Variants in IQUB observed in about 807,000 individuals in gnomAD.
The protein encoded by IQUB is IQ motif and ubiquitin domain containing.
In IQUB, 86 loss-of-function variants were observed where a neutral mutation model predicts 86.4. That is an observed-to-expected ratio of 1.00 (90% CI 0.84 to 1.19). The LOEUF (loss-of-function observed/expected upper bound fraction) is 1.19, where lower values mean the gene tolerates loss of function less well. IQUB is among the 50% of genes most tolerant of loss of function. The pLI is 0.00. For synonymous variants in IQUB, 289 were observed against 304.5 expected, an observed-to-expected ratio of 0.95 and a Z score of 0.53; for missense variants, 946 against 916.9, an observed-to-expected ratio of 1.03 and a Z score of -0.41.
At chr7:123,529,563 A>T (rs1797420349) in intron 1 of IQUB, among the ~76,000 whole-genome samples, 1 of 151,162 alleles carries the variant, frequency 6.6e-6, no homozygotes, top group Non-Finnish European at 1.5e-5. Flanking sequence ...AAATGCATGC[A>T]ATTATATATA....
intron 3 of IQUB, among the ~76,000 whole-genome samples, chr7:123,504,066 G>T (rs968205522): frequency 2.0e-5 from 3 of 152,056 alleles, no homozygotes; most frequent in African/African-American, 7.2e-5. Context: ...CAAGAGGAAG[G>T]ATAATTATTT....
intron 11 of IQUB, among the ~76,000 whole-genome samples, chr7:123,458,666 T>C (rs927253588): frequency 2.0e-5 from 3 of 152,042 alleles, no homozygotes; most frequent in African/African-American, 7.2e-5. Context: ...CTAATAATTT[T>C]GAAATTGTAT....
chr7:123,492,752 G>T (rs1311363410), intron 7 of IQUB, among the ~76,000 whole-genome samples: 2 of 152,012 alleles, frequency 1.3e-5, no homozygotes, highest in African/African-American at 2.4e-5. Context: ...CACTCTCCAG[G>T]CCTCTCAGAT....
chr7:123,482,169 A>G (rs1795039790), intron 7 of IQUB, among the ~76,000 whole-genome samples: 1 of 152,070 alleles, frequency 6.6e-6, no homozygotes, highest in African/African-American at 2.4e-5. Context: ...GAAATCATAT[A>G]CCATCAAATA....
At chr7:123,477,146 A>C (rs551473259) in intron 8 of IQUB, among the ~76,000 whole-genome samples, 26 of 152,316 alleles carry the variant, frequency 1.7e-4, no homozygotes, top group South Asian at 1.0e-3. Context: ...TCCTAAGCAA[A>C]GAGAACAAAG....
chr7:123,503,990 A>G (rs899695545), intron 3 of IQUB, among the ~76,000 whole-genome samples: 26 of 152,304 alleles, frequency 1.7e-4, no homozygotes, highest in African/African-American at 6.0e-4. Context: ...GCAGAATAAT[A>G]TGCTAAACAT....
At chr7:123,513,158 C>T (rs1271982164) in intron 1 of IQUB, among the ~76,000 whole-genome samples, 2 of 152,156 alleles carry the variant, frequency 1.3e-5, no homozygotes, top group Non-Finnish European at 2.9e-5. Context: ...GGGGCTTCTA[C>T]TTTGAGCACA....
intron 3 of IQUB, among the ~76,000 whole-genome samples, chr7:123,505,070 G>A (rs1796117265): frequency 6.6e-6 from 1 of 152,182 alleles, no homozygotes; most frequent in African/African-American, 2.4e-5. Flanking sequence ...TCAAAACCCA[G>A]CAGGGCAGTT....
intron 1 of IQUB, among the ~76,000 whole-genome samples, chr7:123,522,169 A>C (rs1221021110): frequency 6.6e-6 from 1 of 151,894 alleles, no homozygotes; most frequent in Non-Finnish European, 1.5e-5. Context: ...TCTTTCCCCA[A>C]AACAAAGAGC....
chr7:123,532,393 T>C (rs565390957), intron 1 of IQUB: 68 of 152,226 alleles, frequency 4.5e-4, no homozygotes, highest in Admixed American at 1.8e-3. Flanking sequence ...CCCATAAATT[T>C]TGCAATCCAG....
At chr7:123,472,683 A>T (rs538180978) in intron 8 of IQUB, among the ~76,000 whole-genome samples, 21 of 152,352 alleles carry the variant, frequency 1.4e-4, no homozygotes, top group East Asian at 5.8e-4. Context: ...AAAAGATATT[A>T]AAAAATCTGT....
rs755862929 is a variant in IQUB at position 123,512,329 on chromosome 7, T to C, written c.12A>G (p.Gln4=). The C allele has an allele frequency of 6.4e-7, 1 of 1,558,186 alleles. No individual in the cohort carries two copies. The highest frequency in any genetic ancestry group is 1.2e-5 in the South Asian group (1 of 83,768). MSN[Q]QEKYEAQNIV... is the part of the protein sequence containing the mutation. ...TATTCTGAGCTTCATACTTCTCCTG[T>C]TGATTAGACATTTTCCTGAATTAAG... Residue 4 remains glutamine, a synonymous_variant, in exon 2 of 13, where the codon CAA becomes CAG. Coordinates refer to ENST00000324698, the MANE Select transcript of IQUB (RefSeq NM_178827.5).
chr7:123,527,371 T>A (rs978908659), intron 1 of IQUB, among the ~76,000 whole-genome samples: 1 of 152,260 alleles, frequency 6.6e-6, no homozygotes. Context: ...ACTGCGTTCC[T>A]CTGGAGGAGG....
At chr7:123,494,702 C>T (rs534315196) in intron 7 of IQUB, among the ~76,000 whole-genome samples, 3 of 152,074 alleles carry the variant, frequency 2.0e-5, no homozygotes, top group African/African-American at 7.2e-5. Flanking sequence ...ATGTATAGGT[C>T]CTTGTACTTT....
At chr7:123,453,902 T>G (rs565972725) in intron 12 of IQUB, among the ~76,000 whole-genome samples, 5 of 152,260 alleles carry the variant, frequency 3.3e-5, no homozygotes, top group African/African-American at 1.2e-4. Flanking sequence ...TTAATAAATA[T>G]AATCTATTAC....
intron 12 of IQUB, among the ~76,000 whole-genome samples, chr7:123,454,071 G>C (rs1298479816): frequency 6.6e-6 from 1 of 152,036 alleles, no homozygotes; most frequent in Non-Finnish European, 1.5e-5. Context: ...AGGACCAAAA[G>C]AGCAGAAAAC....
chr7:123,485,366 C>T (rs765405959), intron 7 of IQUB, among the ~76,000 whole-genome samples: 4 of 152,044 alleles, frequency 2.6e-5, no homozygotes, highest in Non-Finnish European at 5.9e-5. Context: ...TGTATGACCT[C>T]ATTTTTTCTT....
At chr7:123,523,412 A>G (rs934255922) in intron 1 of IQUB, among the ~76,000 whole-genome samples, 18 of 151,188 alleles carry the variant, frequency 1.2e-4, no homozygotes, top group East Asian at 3.9e-4. Context: ...GTGTGAGATG[A>G]TATCTCATTG....
rs1795674039 is a variant in IQUB at position 123,495,598 on chromosome 7, T to C, written c.1234+1098A>G. On this transcript the variant is annotated intron_variant, in intron 7 of 12. Transcript: ENST00000324698. ...TATCCCATTCAACTACAAAAGCCAATTGAGGCTATTTCTAGGTTTTAAATT... is the reference window on the plus strand; with the variant it reads ...TATCCCATTCAACTACAAAAGCCAACTGAGGCTATTTCTAGGTTTTAAATT... Among the ~76,000 whole-genome samples the C allele has an allele frequency of 4.6e-5, 7 of 152,222 alleles. No individual in the cohort carries two copies. In the South Asian group the frequency reaches 1.0e-3, roughly 23 times the overall value.
Sources: gnomAD v4.1 joint callset for allele counts (sites outside exome capture counted in the v4.1 genomes callset) on GRCh38, gnomAD v4.1.1 for gene constraint, MANE v1.5 for transcripts, NCBI Gene and HGNC (gene_info 2026-07-23, HGNC 2026-07-21) for gene names.